Variants in NCOR2 observed in about 807,000 individuals in gnomAD.
NCOR2 encodes the protein CTG repeat protein 26.
In NCOR2, 81 loss-of-function variants were observed where a neutral mutation model predicts 262.9. The observed-to-expected ratio is 0.31, with a 90% confidence interval of 0.26 to 0.37. NCOR2 has a LOEUF of 0.37. NCOR2 is among the 10% of genes least tolerant of loss of function. The pLI, the probability that NCOR2 is intolerant of heterozygous loss-of-function variation, is 1.00. For synonymous variants in NCOR2, 1,659 were observed against 1,559.3 expected, an observed-to-expected ratio of 1.06 and a Z score of -1.51; for missense variants, 3,385 against 3,621.4, an observed-to-expected ratio of 0.93 and a Z score of 1.68.
chr12:124,431,539 C>T (rs2043933782), intron 8 of NCOR2, among the ~76,000 whole-genome samples: 1 of 150,544 alleles, frequency 6.6e-6, no homozygotes, highest in Non-Finnish European at 1.5e-5. Flanking sequence ...TACACAGGCA[C>T]ACATACATAC....
chr12:124,387,573 C>A (rs1565898626), intron 16 of NCOR2, among the ~76,000 whole-genome samples: 1 of 152,194 alleles, frequency 6.6e-6, no homozygotes, highest in Non-Finnish European at 1.5e-5. Flanking sequence ...GTGGCACTGA[C>A]TGACAGGCCA....
chr12:124,369,553 G>C (rs2039322308), intron 20 of NCOR2, among the ~76,000 whole-genome samples: 1 of 151,968 alleles, frequency 6.6e-6, no homozygotes, highest in Non-Finnish European at 1.5e-5. Flanking sequence ...GTCCTCCAGC[G>C]TCCGCCCGGC....
At chr12:124,370,301 T>A (rs1051821183) in intron 20 of NCOR2, among the ~76,000 whole-genome samples, 7 of 152,354 alleles carry the variant, frequency 4.6e-5, no homozygotes, top group African/African-American at 7.2e-5. Context: ...TGGGCGCGGT[T>A]CCTGTTGGCA....
intron 6 of NCOR2, among the ~76,000 whole-genome samples, chr12:124,453,519 G>C (rs2045671037): frequency 6.6e-6 from 1 of 152,236 alleles, no homozygotes; most frequent in South Asian, 2.1e-4. Flanking sequence ...GGCGCAGGCA[G>C]AGATGAGGCA....
rs1274758958 is a variant in NCOR2 at position 124,445,500 on chromosome 12, C to T, written c.815+4315G>A. On this transcript the variant is annotated intron_variant, in intron 7 of 46. Coordinates refer to ENST00000405201, the Ensembl canonical transcript of NCOR2. Reference sequence around the variant, plus strand: ...TCAAGCGTGAAATTAACTTTCACTCCGCGGCCCCAGCATGCAGACGCAGAG... The same window carrying T: ...TCAAGCGTGAAATTAACTTTCACTCTGCGGCCCCAGCATGCAGACGCAGAG... Among the ~76,000 whole-genome samples the T allele has an allele frequency of 3.3e-5, 5 of 152,196 alleles. No individual in the cohort carries two copies. In the South Asian group the frequency reaches 6.2e-4, roughly 19 times the overall value.
intron 44 of NCOR2, among the ~76,000 whole-genome samples, chr12:124,330,335 T>TAGCTTAAAATCATAG (rs2035073052): frequency 6.6e-6 from 1 of 152,264 alleles, no homozygotes. Context: ...ATAGAAGTCT[T>TAGCTTAAAATCATAG]AAGTTTCAGC....
intron 1 of NCOR2, among the ~76,000 whole-genome samples, chr12:124,561,399 A>G (rs1233205675): frequency 6.6e-6 from 1 of 152,254 alleles, no homozygotes; most frequent in East Asian, 1.9e-4. Flanking sequence ...AACAGAAACC[A>G]GGAGGGCCAG....
At chr12:124,348,348 G>A in intron 28 of NCOR2, 34 bp from the exon 31 acceptor site, 2 of 1,574,516 alleles carry the variant, frequency 1.3e-6, no homozygotes, top group Non-Finnish European at 1.7e-6. Context: ...GTGAGGAGCT[G>A]GGCACGGGCC....
rs1395911704 is a variant in NCOR2, at chr12:124,385,943, C to T, written c.1877-56G>A. Reference sequence around the variant, plus strand: ...GGCCAGGCCCGGCACGCAGAGGGGGCCTGCATCCATGGCCTGGGCGGCAAA... The same window carrying T: ...GGCCAGGCCCGGCACGCAGAGGGGGTCTGCATCCATGGCCTGGGCGGCAAA... On this transcript the variant is annotated intron_variant, in intron 16 of 46. Coordinates refer to ENST00000405201, the Ensembl canonical transcript of NCOR2. 1.2e-5 allele frequency: 19 copies of T among 1,578,648 alleles called. No homozygotes were observed. The East Asian group carries it at 3.4e-4, about 28-fold the overall frequency.
intron 20 of NCOR2, among the ~76,000 whole-genome samples, chr12:124,369,354 G>A (rs1174551179): frequency 1.3e-5 from 2 of 152,194 alleles, no homozygotes; most frequent in African/African-American, 2.4e-5. Context: ...TCACCGGGGC[G>A]GGGGGCCAGA....
At chr12:124,498,577 GA>G (rs1055686172), upstream of NCOR2, among the ~76,000 whole-genome samples, 3 of 151,600 alleles carry the variant, frequency 2.0e-5, no homozygotes, top group South Asian at 2.1e-4. Flanking sequence ...CTGCCAACTC[GA>G]AAAAAAACAA....
At chr12:124,479,915 A>C (rs2047350935) in intron 3 of NCOR2, among the ~76,000 whole-genome samples, 1 of 152,236 alleles carries the variant, frequency 6.6e-6, no homozygotes, top group South Asian at 2.1e-4. Flanking sequence ...AAAGGGGGTC[A>C]CAGACCCAGC....
chr12:124,374,372 G>T, intron 19 of NCOR2, 41 bp downstream of exon 21: 2 of 1,603,082 alleles, frequency 1.2e-6, no homozygotes, highest in Non-Finnish European at 1.7e-6. Flanking sequence ...TGCCCGCCCC[G>T]GCCCGGCCCT....
intron 10 of NCOR2, among the ~76,000 whole-genome samples, chr12:124,427,457 C>T (rs978142982): frequency 2.6e-5 from 4 of 152,232 alleles, no homozygotes; most frequent in African/African-American, 9.6e-5. Context: ...CCAAATCTCG[C>T]AGCCAGCCAA....
intron 38 of NCOR2, 85 bp downstream of exon 40, chr12:124,336,668 C>A (rs2035935692): frequency 1.3e-6 from 2 of 1,542,858 alleles, no homozygotes; most frequent in Non-Finnish European, 1.7e-6. Context: ...GGCCAGCGCA[C>A]CTCCTTCTCG....
At chr12:124,512,740 A>T (rs1363549311) in intron 1 of NCOR2, among the ~76,000 whole-genome samples, 1 of 152,230 alleles carries the variant, frequency 6.6e-6, no homozygotes, top group Non-Finnish European at 1.5e-5. Flanking sequence ...TGCCCAGGGG[A>T]CCAAGTGGGG....
chr12:124,418,265 G>A (rs980272029), intron 13 of NCOR2, among the ~76,000 whole-genome samples: 4 of 152,160 alleles, frequency 2.6e-5, no homozygotes, highest in Admixed American at 6.5e-5. Context: ...GATAAGGACC[G>A]AGTTCAGCCC....
intron 5 of NCOR2, among the ~76,000 whole-genome samples, chr12:124,462,570 C>T (rs887399502): frequency 2.6e-4 from 39 of 152,332 alleles, no homozygotes; most frequent in African/African-American, 7.9e-4. Context: ...TCTGAAAGAA[C>T]CCCTGGACCC....
intron 1 of NCOR2, among the ~76,000 whole-genome samples, chr12:124,507,051 A>G (rs1331109187): frequency 1.3e-5 from 2 of 152,204 alleles, no homozygotes; most frequent in African/African-American, 4.8e-5. Context: ...CCCAGACTAC[A>G]TGGAACACAG....
Sources: gnomAD v4.1 joint callset for allele counts (sites outside exome capture counted in the v4.1 genomes callset) on GRCh38, gnomAD v4.1.1 for gene constraint, MANE v1.5 for transcripts, NCBI Gene and HGNC (gene_info 2026-07-23, HGNC 2026-07-21) for gene names.